The following TBC1D22A variants were observed in gnomAD, a reference collection of about 807,000 sequenced individuals.
TBC1D22A encodes the protein putative GTPase activator.
A neutral mutation model predicts 60.2 loss-of-function variants in TBC1D22A; 38 were observed. That is an observed-to-expected ratio of 0.63 (90% CI 0.49 to 0.83). The LOEUF (loss-of-function observed/expected upper bound fraction) is 0.83. Among genes scored for constraint, TBC1D22A ranks in the 40% least tolerant of loss-of-function variants. The probability of loss-of-function intolerance (pLI) is 0.00; values close to 1 mark genes in which losing one functional copy is unlikely to be tolerated. For synonymous variants in TBC1D22A, 302 were observed against 281.7 expected, an observed-to-expected ratio of 1.07 and a Z score of -0.72; for missense variants, 628 against 701.0, an observed-to-expected ratio of 0.90 and a Z score of 1.18.
At chr22:46,780,987 C>T (rs191972832) in intron 1 of TBC1D22A, among the ~76,000 whole-genome samples, 2 of 152,108 alleles carry the variant, frequency 1.3e-5, no homozygotes, top group African/African-American at 4.8e-5. Flanking sequence ...GCTCTGGGCA[C>T]AGTCCTGAAG....
chr22:46,929,417 T>C (rs1466268343), intron 8 of TBC1D22A, among the ~76,000 whole-genome samples: 1 of 152,248 alleles, frequency 6.6e-6, no homozygotes, highest in South Asian at 2.1e-4. Flanking sequence ...TCTTACTCTA[T>C]CTTTGGTATT....
At position 47,009,121 on chromosome 22, in the gene TBC1D22A, G is replaced by A. The variant is rs769876574; in HGVS notation, c.1201+11412G>A. On this transcript the variant is annotated intron_variant, in intron 10 of 12. Transcript: ENST00000337137. This position sits in a 1 kb window ranked among gnomAD's most constrained non-coding sequence, Gnocchi z 5.8. ...TATACTGGAGGATTGGCTTTGTGAGGAATGTCCCCACTCTAGCCCTTGTTT... is the reference window on the plus strand; with the variant it reads ...TATACTGGAGGATTGGCTTTGTGAGAAATGTCCCCACTCTAGCCCTTGTTT... 6.6e-6 allele frequency among the ~76,000 whole-genome samples: 1 copy of A among 152,184 alleles called. No individual in the cohort carries two copies.
intron 8 of TBC1D22A, among the ~76,000 whole-genome samples, chr22:46,932,100 T>C (rs2071384727): frequency 6.6e-6 from 1 of 152,220 alleles, no homozygotes; most frequent in Non-Finnish European, 1.5e-5. Flanking sequence ...ATAGAAAGTG[T>C]AAGTCCTGTG....
chr22:46,852,474 T>C (rs2087333302), intron 4 of TBC1D22A, among the ~76,000 whole-genome samples: 1 of 152,136 alleles, frequency 6.6e-6, no homozygotes, highest in African/African-American at 2.4e-5. Context: ...GAATCTTCCC[T>C]CTGTATTTGG....
chr22:47,137,818 G>A (rs1475334111), intron 12 of TBC1D22A, among the ~76,000 whole-genome samples: 1 of 152,176 alleles, frequency 6.6e-6, no homozygotes, highest in Non-Finnish European at 1.5e-5. Flanking sequence ...GGGGAGTCGG[G>A]AGTGGAGAGT....
chr22:47,162,772 C>G (rs574652485), intron 12 of TBC1D22A, among the ~76,000 whole-genome samples: 20 of 137,458 alleles, frequency 1.5e-4, no homozygotes, highest in Non-Finnish European at 2.9e-4. Flanking sequence ...AGTGGGACTG[C>G]GGACCCAGTG....
At chr22:46,985,200 G>A (rs1048845974) in intron 9 of TBC1D22A, among the ~76,000 whole-genome samples, 5 of 152,222 alleles carry the variant, frequency 3.3e-5, no homozygotes, top group African/African-American at 1.2e-4. Context: ...TTTGGCATTT[G>A]TTGTATACGT....
intron 12 of TBC1D22A, among the ~76,000 whole-genome samples, chr22:47,149,238 G>A (rs1237911552): frequency 6.6e-6 from 1 of 152,206 alleles, no homozygotes; most frequent in Non-Finnish European, 1.5e-5. Context: ...GGCTCTGCTG[G>A]CCTGTGGAGG....
At position 47,173,579 on chromosome 22, in the gene TBC1D22A, C is replaced by T; in HGVS notation, c.1507C>T (p.Arg503Cys). The T allele has an allele frequency of 2.5e-6, 4 of 1,614,150 alleles. No homozygotes were observed. Among genetic ancestry groups the T allele is most frequent in the African/African-American group, 2.7e-5 (2 of 75,052 alleles). The change falls in exon 13 of 13, where the codon CGC becomes TGC. Residue 503 changes from arginine to cysteine, a missense_variant. Transcript: ENST00000337137. ...DISLLLAEAY[R>C]LKFAFADAPN... ...CAGCCTGTTGCTGGCCGAGGCCTACCGCCTCAAGTTTGCTTTTGCCGACGC... is the reference window on the plus strand; with the variant it reads ...CAGCCTGTTGCTGGCCGAGGCCTACTGCCTCAAGTTTGCTTTTGCCGACGC...
At chr22:46,904,404 A>G (rs1318027) in intron 7 of TBC1D22A, among the ~76,000 whole-genome samples, 56,179 of 150,972 alleles carry the variant, frequency 0.37, 13,122 homozygotes, top group African/African-American at 0.64. Context: ...CCTCGGCAAT[A>G]CCATCCGAGT....
chr22:46,963,421 C>A (rs1345010499), intron 8 of TBC1D22A, among the ~76,000 whole-genome samples: 1 of 88,210 alleles, frequency 1.1e-5, no homozygotes, highest in East Asian at 3.0e-4. Context: ...AGCTCTCAGG[C>A]CTCCACGATT....
intron 8 of TBC1D22A, among the ~76,000 whole-genome samples, chr22:46,944,235 G>A (rs1227945535): frequency 2.6e-5 from 4 of 152,124 alleles, no homozygotes; most frequent in African/African-American, 7.2e-5. Context: ...ATCCTACTGG[G>A]TATAAAGTGG....
At position 46,794,010 on chromosome 22, in the gene TBC1D22A, C is replaced by T. The variant is rs139072346; in HGVS notation, c.460+169C>T. ...CTTCCAAGGGTAGGGGAGTGGCCTG[C>T]GCTCTTTCCTAGGGCCCCCAAGTGC... On this transcript the variant is annotated intron_variant, in intron 3 of 12. Coordinates refer to ENST00000337137, the MANE Select transcript of TBC1D22A (RefSeq NM_014346.5). Among the ~76,000 whole-genome samples, 51 of 152,304 alleles carry T rather than the reference C, an allele frequency of 3.3e-4. No individual in the cohort carries two copies. In the East Asian group the frequency reaches 4.4e-3, roughly 13 times the overall value.
chr22:47,150,798 C>T (rs970183829), intron 12 of TBC1D22A, among the ~76,000 whole-genome samples: 4 of 152,282 alleles, frequency 2.6e-5, no homozygotes, highest in Middle Eastern at 3.4e-3. Flanking sequence ...GTCCCCTGCA[C>T]CCACGGGGCT....
intron 4 of TBC1D22A, among the ~76,000 whole-genome samples, chr22:46,858,546 C>A (rs555895569): frequency 6.6e-6 from 1 of 152,318 alleles, no homozygotes; most frequent in South Asian, 2.1e-4. Flanking sequence ...ATGAAGTAGT[C>A]GCGGGAACGC....
At chr22:47,037,267 C>A in intron 11 of TBC1D22A, 69 bp downstream of exon 11, 2 of 1,590,888 alleles carry the variant, frequency 1.3e-6, no homozygotes. Context: ...TCGCCTTCTG[C>A]CCTGGGCCTG....
chr22:47,080,234 T>G (rs1469864969), intron 11 of TBC1D22A, among the ~76,000 whole-genome samples: 1 of 152,236 alleles, frequency 6.6e-6, no homozygotes, highest in Admixed American at 6.5e-5. Context: ...TCAGTAAAAG[T>G]ATATTTGATT....
intron 11 of TBC1D22A, among the ~76,000 whole-genome samples, chr22:47,075,222 C>CAAAAAAA (rs386395628): frequency 3.5e-4 from 40 of 114,014 alleles, no homozygotes; most frequent in African/African-American, 6.7e-4. Context: ...GATTCCGTCT[C>CAAAAAAA]AAAAAAAAAA....
chr22:47,106,096 G>A (rs2065623180), intron 11 of TBC1D22A, among the ~76,000 whole-genome samples: 1 of 152,136 alleles, frequency 6.6e-6, no homozygotes, highest in African/African-American at 2.4e-5. Flanking sequence ...GATTATTAAT[G>A]AACTAGAAGA....
Sources: allele counts gnomAD v4.1 joint callset (sites outside exome capture counted in the v4.1 genomes callset), GRCh38; gene constraint gnomAD v4.1.1; non-coding constraint Gnocchi (gnomAD v3.1); transcripts MANE v1.5; gene names NCBI Gene and HGNC (gene_info 2026-07-23, HGNC 2026-07-21).